Variants in RBL1 observed in about 807,000 individuals in gnomAD.
RBL1 encodes the protein retinoblastoma-like protein 1.
A neutral mutation model predicts 123.0 loss-of-function variants in RBL1; 82 were observed. That is an observed-to-expected ratio of 0.67 (90% CI 0.56 to 0.80). The LOEUF is 0.80. Among genes scored for constraint, RBL1 ranks in the 30% least tolerant of loss-of-function variants. The pLI is 0.00. For missense variants in RBL1, 1,171 were observed against 1,299.6 expected, an observed-to-expected ratio of 0.90 and a Z score of 1.52; for synonymous variants, 405 against 441.3, an observed-to-expected ratio of 0.92 and a Z score of 1.03.
At chr20:37,005,561 C>G (rs1038660727) in intron 20 of RBL1, among the ~76,000 whole-genome samples, 2 of 151,850 alleles carry the variant, frequency 1.3e-5, no homozygotes, top group Non-Finnish European at 2.9e-5. Context: ...ATGATTCCAA[C>G]GTGGAAAAAA....
intron 16 of RBL1, among the ~76,000 whole-genome samples, chr20:37,025,213 C>CTG (rs1168382523): frequency 6.8e-6 from 1 of 146,996 alleles, no homozygotes; most frequent in Non-Finnish European, 1.5e-5. Flanking sequence ...GTAATAAAGA[C>CTG]TATATTTGCC....
intron 2 of RBL1, among the ~76,000 whole-genome samples, chr20:37,076,033 G>A (rs2065358225): frequency 6.6e-6 from 1 of 152,018 alleles, no homozygotes; most frequent in Non-Finnish European, 1.5e-5. Flanking sequence ...TCTCCACTAA[G>A]GCAATCATGG....
chr20:37,012,839 C>T (rs556128069), intron 19 of RBL1, among the ~76,000 whole-genome samples: 19 of 149,546 alleles, frequency 1.3e-4, no homozygotes, highest in East Asian at 4.0e-4. Flanking sequence ...AGGTGAGGGG[C>T]GCCTCTGCCT....
intron 13 of RBL1, among the ~76,000 whole-genome samples, chr20:37,043,719 C>T (rs1234296063): frequency 6.6e-6 from 1 of 152,030 alleles, no homozygotes; most frequent in Admixed American, 6.6e-5. Context: ...CATGGATGAA[C>T]CTTAAAAACA....
rs78696989 is a variant in RBL1 at position 37,034,366 on chromosome 20, A to G, written c.2170+876T>C. ...TACATTTATAGTTTAAATTTATTGG[A>G]AAAAAAAGCATTTTTTTTTTTAACA... On this transcript the variant is annotated intron_variant, in intron 15 of 21. Transcript: ENST00000373664. 8.1e-3 allele frequency among the ~76,000 whole-genome samples: 1,226 copies of G among 151,984 alleles called. 14 individuals carry two copies. The highest frequency in any genetic ancestry group is 0.028 in the African/African-American group (1,171 of 41,406).
chr20:37,055,749 A>G (rs1160935931), intron 10 of RBL1, 93 bp from the exon 11 acceptor site: 1 of 1,213,732 alleles, frequency 8.2e-7, no homozygotes, highest in Non-Finnish European at 1.1e-6. Context: ...AATCTGATAC[A>G]TTAAGAATAG....
intron 7 of RBL1, 26 bp from the exon 8 acceptor site, chr20:37,062,296 T>C (rs781624458): frequency 3.1e-6 from 5 of 1,605,858 alleles, no homozygotes; most frequent in Non-Finnish European, 4.3e-6. Flanking sequence ...TTATAAGCTG[T>C]AATACTAAGT....
intron 11 of RBL1, among the ~76,000 whole-genome samples, chr20:37,052,573 G>C (rs576822250): frequency 6.6e-6 from 1 of 151,972 alleles, no homozygotes; most frequent in South Asian, 2.1e-4. Flanking sequence ...GCAGTGGTGC[G>C]ATCTTGGCTC....
chr20:37,014,117 G>A (rs1399364849), intron 19 of RBL1, among the ~76,000 whole-genome samples: 1 of 137,138 alleles, frequency 7.3e-6, no homozygotes, highest in Non-Finnish European at 1.5e-5. Context: ...ACAGGGTCTT[G>A]CTCTGTCTGG....
Position 37,085,815 on chromosome 20 carries a change from T to C in RBL1, c.290+3174A>G, listed in dbSNP as rs186425056. Among the ~76,000 whole-genome samples, 13 of 151,794 alleles carry C rather than the reference T, an allele frequency of 8.6e-5. No homozygotes were observed. In the East Asian group the frequency reaches 2.5e-3, roughly 30 times the overall value. ...ACTACAGGCGCCCACCTGGCTAATT[T>C]TGTTTTTGTATTTTTAGTAGAGATG... On this transcript the variant is annotated intron_variant, in intron 2 of 21. Transcript: ENST00000373664.
chr20:37,086,664 T>C (rs1281340046), intron 2 of RBL1, among the ~76,000 whole-genome samples: 2 of 152,194 alleles, frequency 1.3e-5, no homozygotes, highest in Admixed American at 6.5e-5. Flanking sequence ...AAATAGACAA[T>C]GACCACAAAT....
chr20:37,074,689 G>A (rs974670111), intron 2 of RBL1, among the ~76,000 whole-genome samples: 14 of 152,070 alleles, frequency 9.2e-5, no homozygotes, highest in African/African-American at 3.1e-4. Context: ...GCTGGGAGCG[G>A]TGGTTCACGC....
chr20:37,077,267 T>C (rs1476444653), intron 2 of RBL1, among the ~76,000 whole-genome samples: 3 of 152,146 alleles, frequency 2.0e-5, no homozygotes, highest in Non-Finnish European at 4.4e-5. Flanking sequence ...TGTATATACA[T>C]ATGCATATAT....
intron 19 of RBL1, among the ~76,000 whole-genome samples, chr20:37,015,516 C>T (rs1321407624): frequency 6.6e-6 from 1 of 150,744 alleles, no homozygotes; most frequent in African/African-American, 2.4e-5. Context: ...CTGCAAGCTC[C>T]ACCTCCTGGG....
chr20:37,001,024 G>C (rs564257600), intron 21 of RBL1, among the ~76,000 whole-genome samples: 14 of 128,994 alleles, frequency 1.1e-4, no homozygotes, highest in Non-Finnish European at 2.0e-4. Flanking sequence ...GGAGGGAGGT[G>C]GGGGGGGTCA....
chr20:37,066,641 G>C, intron 6 of RBL1, 83 bp downstream of exon 6: 1 of 1,296,026 alleles, frequency 7.7e-7, no homozygotes, highest in Non-Finnish European at 1.1e-6. Context: ...CTATAATGCT[G>C]AGAACTTGCT....
chr20:37,049,812 C>T (rs775999535), intron 11 of RBL1: 10 of 448,642 alleles, frequency 2.2e-5, no homozygotes, highest in Middle Eastern at 5.9e-4. Context: ...CCTGTAATCC[C>T]GGCACTTTGG....
chr20:37,086,527 CA>C (rs1189117764), intron 2 of RBL1, among the ~76,000 whole-genome samples: 1 of 151,888 alleles, frequency 6.6e-6, no homozygotes, highest in Non-Finnish European at 1.5e-5. Context: ...GCAACAAGAG[CA>C]AAACTCCGTC....
intron 2 of RBL1, among the ~76,000 whole-genome samples, chr20:37,071,678 T>C (rs2065283498): frequency 6.6e-6 from 1 of 152,036 alleles, no homozygotes; most frequent in South Asian, 2.1e-4. Flanking sequence ...TGACCTCCAA[T>C]GTTGGAGGTG....
Sources: gnomAD v4.1 joint callset for allele counts (sites outside exome capture counted in the v4.1 genomes callset) on GRCh38, gnomAD v4.1.1 for gene constraint, MANE v1.5 for transcripts, NCBI Gene and HGNC (gene_info 2026-07-23, HGNC 2026-07-21) for gene names.